The following TF variants were observed in gnomAD, a reference collection of about 807,000 sequenced individuals.
The protein encoded by TF is serotransferrin.
Under a neutral mutation model 82.4 loss-of-function variants are expected in TF, and 55 were observed. The ratio of observed to expected loss-of-function variants is 0.67; its 90% CI spans 0.54 to 0.84. The LOEUF is 0.84. TF is among the 40% of genes least tolerant of loss of function. The pLI is 0.00. For synonymous variants in TF, 332 were observed against 332.6 expected, an observed-to-expected ratio of 1.00 and a Z score of 0.02; for missense variants, 737 against 868.4, an observed-to-expected ratio of 0.85 and a Z score of 1.90.
At chr3:133,770,905 C>T (rs1223853859) in intron 14 of TF, 3 of 391,618 alleles carry the variant, frequency 7.7e-6, no homozygotes, top group African/African-American at 6.1e-5. Context: ...AGATCAGGAT[C>T]TTTTACATTA....
At chr3:133,736,925 A>G in the TF span, among the ~76,000 whole-genome samples, 1 of 152,154 alleles carries the variant, frequency 6.6e-6, no homozygotes, top group African/African-American at 2.4e-5. Flanking sequence ...CAAAAAATTA[A>G]CAAGGATATT....
At chr3:133,715,529 T>C in the TF span, among the ~76,000 whole-genome samples, 5 of 152,344 alleles carry the variant, frequency 3.3e-5, no homozygotes, top group East Asian at 7.7e-4. Flanking sequence ...CATGCTGCTA[T>C]GTTTTTCCAT....
the TF span, among the ~76,000 whole-genome samples, chr3:133,676,239 T>C: frequency 2.0e-5 from 3 of 152,322 alleles, no homozygotes; most frequent in Non-Finnish European, 4.4e-5. Context: ...GCTGGTTTCA[T>C]TCACTAATAA....
the TF span, among the ~76,000 whole-genome samples, chr3:133,666,335 G>A: frequency 6.6e-6 from 1 of 151,942 alleles, no homozygotes; most frequent in South Asian, 2.1e-4. Context: ...ACCATGCCTG[G>A]CTAATTTTTG....
At chr3:133,753,374 C>T (rs1933729266) in intron 2 of TF, among the ~76,000 whole-genome samples, 1 of 152,206 alleles carries the variant, frequency 6.6e-6, no homozygotes, top group African/African-American at 2.4e-5. Flanking sequence ...AAGAGAAACA[C>T]AATCCATCAC....
the TF span, chr3:133,700,022 G>C: frequency 2.4e-5 from 4 of 163,446 alleles, no homozygotes; most frequent in South Asian, 1.8e-4. Context: ...AGCACTGGGG[G>C]ACTCAGAGAT....
At chr3:133,736,443 C>G in the TF span, among the ~76,000 whole-genome samples, 1 of 151,944 alleles carries the variant, frequency 6.6e-6, no homozygotes, top group South Asian at 2.1e-4. Context: ...GGATCAAATT[C>G]ACACATAACA....
the TF span, among the ~76,000 whole-genome samples, chr3:133,729,574 G>T: frequency 6.6e-6 from 1 of 152,178 alleles, no homozygotes; most frequent in African/African-American, 2.4e-5. Flanking sequence ...CCCTTTCCTT[G>T]ACCAGGAAAG....
At chr3:133,684,561 G>A in the TF span, among the ~76,000 whole-genome samples, 1 of 152,176 alleles carries the variant, frequency 6.6e-6, no homozygotes, top group Non-Finnish European at 1.5e-5. Context: ...TACCATCAGA[G>A]AATACTATAA....
the TF span, among the ~76,000 whole-genome samples, chr3:133,714,581 C>A: frequency 6.6e-6 from 1 of 152,198 alleles, no homozygotes; most frequent in Non-Finnish European, 1.5e-5. Flanking sequence ...AGAACCACAA[C>A]TTCTTCCAAA....
the TF span, among the ~76,000 whole-genome samples, chr3:133,714,902 T>A: frequency 6.6e-6 from 1 of 151,934 alleles, no homozygotes; most frequent in African/African-American, 2.4e-5. Flanking sequence ...AGGCTGGTCT[T>A]GAACTCCTGA....
chr3:133,673,171 A>G, the TF span, among the ~76,000 whole-genome samples: 2 of 152,240 alleles, frequency 1.3e-5, no homozygotes, highest in African/African-American at 2.4e-5. Context: ...CCCTAAGTGC[A>G]CGAAAAGACA....
Position 133,777,657 on chromosome 3 carries a change from A to G in TF, c.2062+419A>G, listed in dbSNP as rs1016684273. 8 of 192,916 alleles carry G rather than the reference A, an allele frequency of 4.1e-5. No individual in the cohort carries two copies. The Admixed American group carries it at 4.3e-4, about 10-fold the overall frequency. The allele number at this position is 192,916 out of a possible 1,614,324, so 12.0% of individuals were successfully genotyped here. On this transcript the variant is annotated intron_variant, in intron 16 of 16. Coordinates refer to ENST00000402696, the MANE Select transcript of TF (RefSeq NM_001063.4). ...TATTTCTTCAATCCCACCTAGCTGCATTTCAAGTGCTCAACAGCCACATGT... is the reference window on the plus strand; with the variant it reads ...TATTTCTTCAATCCCACCTAGCTGCGTTTCAAGTGCTCAACAGCCACATGT...
At chr3:133,743,141 A>G (rs1933425345), upstream of TF, among the ~76,000 whole-genome samples, 2 of 152,236 alleles carry the variant, frequency 1.3e-5, no homozygotes, top group Non-Finnish European at 2.9e-5. Flanking sequence ...TCAGAGCTCC[A>G]TGAATAAGGA....
the TF span, among the ~76,000 whole-genome samples, chr3:133,705,463 A>G: frequency 1.1e-3 from 164 of 152,298 alleles, no homozygotes; most frequent in Admixed American, 2.7e-3. Context: ...GCAAAGGGAT[A>G]TGACCTCTCC....
chr3:133,752,688 T>C (rs1933707855), intron 2 of TF, among the ~76,000 whole-genome samples: 1 of 152,100 alleles, frequency 6.6e-6, no homozygotes. Flanking sequence ...AGTGTAATGA[T>C]AAGAAATAAA....
At chr3:133,747,312 G>C (rs1393004848) in intron 1 of TF, 1 of 152,312 alleles carries the variant, frequency 6.6e-6, no homozygotes, top group South Asian at 2.1e-4. Flanking sequence ...ACACATTCTC[G>C]CCTATGGGAA....
the TF span, among the ~76,000 whole-genome samples, chr3:133,673,058 T>C: frequency 1.3e-5 from 2 of 152,198 alleles, no homozygotes; most frequent in African/African-American, 2.4e-5. Flanking sequence ...AAACTTTCCC[T>C]ATCACCCTTC....
chr3:133,778,797 C>A lies in TF; in HGVS notation c.*177C>A. 1 of 570,114 alleles carries A rather than the reference C, an allele frequency of 1.8e-6. No homozygotes were observed. The highest frequency in any genetic ancestry group is 3.1e-6 in the Non-Finnish European group (1 of 327,096). The allele number at this position is 570,114 out of a possible 1,614,324, so 35.3% of individuals were successfully genotyped here. A position where few individuals can be genotyped will look rare whatever the true frequency, so the allele number is the denominator to read the frequency against. On this transcript the variant is annotated 3_prime_UTR_variant, in exon 17 of 17. Coordinates refer to ENST00000402696, the MANE Select transcript of TF (RefSeq NM_001063.4). ...TATTATTGATTTTATATTTCAAAAA[C>A]TCCATTCTTTCCTAAATATTTTCAA...
Sources: allele counts gnomAD v4.1 joint callset (sites outside exome capture counted in the v4.1 genomes callset), GRCh38; gene constraint gnomAD v4.1.1; transcripts MANE v1.5; gene names NCBI Gene and HGNC (gene_info 2026-07-23, HGNC 2026-07-21).